Variants in ATP8B4 observed in about 807,000 individuals in gnomAD.
ATP8B4 encodes the protein ATPase phospholipid transporting 8B4 (putative).
A neutral mutation model predicts 145.6 loss-of-function variants in ATP8B4; 133 were observed. The ratio of observed to expected loss-of-function variants is 0.91; its 90% CI spans 0.79 to 1.05. The LOEUF is 1.05. ATP8B4 is among the 50% of genes least tolerant of loss of function. ATP8B4 has a pLI of 0.00. For synonymous variants in ATP8B4, 507 were observed against 492.9 expected (o/e 1.03, Z -0.38); for missense variants, 1,458 against 1,425.2 (o/e 1.02, Z -0.37).
chr15:49,963,876 A>G (rs1312053735), intron 13 of ATP8B4, among the ~76,000 whole-genome samples: 1 of 152,158 alleles, frequency 6.6e-6, no homozygotes, highest in African/African-American at 2.4e-5. Flanking sequence ...AAACCTGTAC[A>G]TCCTGAACAT....
At chr15:50,020,316 A>C (rs2049446764) in intron 6 of ATP8B4, among the ~76,000 whole-genome samples, 1 of 146,362 alleles carries the variant, frequency 6.8e-6, no homozygotes, top group African/African-American at 2.5e-5. Flanking sequence ...CCCGGGCAGG[A>C]TGGAGTGCAA....
chr15:50,133,598 T>A (rs2044079013), intron 1 of ATP8B4, among the ~76,000 whole-genome samples: 2 of 150,966 alleles, frequency 1.3e-5, no homozygotes, highest in African/African-American at 2.4e-5. Flanking sequence ...GTATCAAAAA[T>A]AAAAAACAAA....
At chr15:49,872,980 A>G (rs1302221513) in intron 25 of ATP8B4, among the ~76,000 whole-genome samples, 1 of 152,236 alleles carries the variant, frequency 6.6e-6, no homozygotes, top group Non-Finnish European at 1.5e-5. Flanking sequence ...GTATGCAGGA[A>G]CTGTCTTTGC....
chr15:50,077,396 C>T (rs1210148252), intron 2 of ATP8B4, among the ~76,000 whole-genome samples: 1 of 152,068 alleles, frequency 6.6e-6, no homozygotes, highest in Non-Finnish European at 1.5e-5. Context: ...AGCAGAGGTT[C>T]ATAAATTTTG....
intron 16 of ATP8B4, among the ~76,000 whole-genome samples, chr15:49,926,288 G>A (rs1463653809): frequency 6.6e-6 from 1 of 152,070 alleles, no homozygotes; most frequent in Non-Finnish European, 1.5e-5. Flanking sequence ...CCCAGTCTTA[G>A]TAATCAGCTT....
chr15:49,890,951 A>G (rs2036725142), intron 23 of ATP8B4, among the ~76,000 whole-genome samples: 1 of 152,204 alleles, frequency 6.6e-6, no homozygotes, highest in Non-Finnish European at 1.5e-5. Context: ...TGCTATAGAC[A>G]ATACTGCTAA....
intron 13 of ATP8B4, among the ~76,000 whole-genome samples, chr15:49,967,822 T>C (rs909895642): frequency 3.9e-5 from 6 of 152,020 alleles, no homozygotes; most frequent in African/African-American, 1.5e-4. Context: ...CACATACTCA[T>C]CAGATTCATC....
At chr15:50,012,613 A>G (rs1414221534) in intron 6 of ATP8B4, among the ~76,000 whole-genome samples, 2 of 152,200 alleles carry the variant, frequency 1.3e-5, no homozygotes, top group African/African-American at 2.4e-5. Context: ...GCCCTCACAA[A>G]GTAAGACCAT....
chr15:49,898,999 A>G (rs1454061147), intron 21 of ATP8B4, among the ~76,000 whole-genome samples: 1 of 152,192 alleles, frequency 6.6e-6, no homozygotes, highest in Non-Finnish European at 1.5e-5. Flanking sequence ...ACACATTAAG[A>G]GGAAACAAAT....
At chr15:49,995,107 T>C (rs1052973518) in intron 9 of ATP8B4, among the ~76,000 whole-genome samples, 2 of 152,144 alleles carry the variant, frequency 1.3e-5, no homozygotes, top group African/African-American at 4.8e-5. Flanking sequence ...TGCATCATAG[T>C]GTAGCCTATC....
chr15:49,923,409 G>A lies in ATP8B4; in HGVS notation c.1728C>T (p.Val576=). The change falls in exon 17 of 28, where the codon GTC becomes GTT. Residue 576 remains valine (V), a synonymous_variant. Coordinates refer to ENST00000284509, the MANE Select transcript of ATP8B4 (RefSeq NM_024837.4). ...LFEKLHPSNE[V]LLSLTSDHLS... ...GGTGGTCTGACGTCAAAGACAAAAGGACTTCATTGGAAGGATGAAGTTTTT... is the reference window on the plus strand; with the variant it reads ...GGTGGTCTGACGTCAAAGACAAAAGAACTTCATTGGAAGGATGAAGTTTTT... The A allele has an allele frequency of 1.2e-6, 2 of 1,612,608 alleles. No individual in the cohort carries two copies. The highest frequency in any genetic ancestry group is 1.7e-6 in the Non-Finnish European group (2 of 1,178,784).
chr15:49,960,839 T>A (rs1009775129), intron 14 of ATP8B4, among the ~76,000 whole-genome samples: 1 of 152,076 alleles, frequency 6.6e-6, no homozygotes, highest in South Asian at 2.1e-4. Context: ...GGTAAAAAAA[T>A]TATGAACCAG....
At chr15:50,029,238 TAAAAAA>T in intron 6 of ATP8B4, among the ~76,000 whole-genome samples, 1 of 76,620 alleles carries the variant, frequency 1.3e-5, no homozygotes, top group Middle Eastern at 6.8e-3. Context: ...GACTCCATCT[TAAAAAA>T]AAAAAAAAAA....
Position 49,953,580 on chromosome 15 carries a change from T to C in ATP8B4, c.1287+8397A>G, listed in dbSNP as rs538854766. Among the ~76,000 whole-genome samples the C allele has an allele frequency of 7.2e-5, 11 of 152,284 alleles. No homozygotes were observed. In the South Asian group the frequency reaches 2.3e-3, roughly 32 times the overall value. On this transcript the variant is annotated intron_variant, in intron 14 of 27. Coordinates refer to ENST00000284509, the MANE Select transcript of ATP8B4 (RefSeq NM_024837.4). ...CTGGCTCCAGCAGGGGAAAAGTGCA[T>C]CCTGGAGCTACAGAAATTGGTGCTG...
At position 50,038,830 on chromosome 15, in the gene ATP8B4, C is replaced by A; in HGVS notation, c.301-1G>T. On this transcript the variant is annotated splice_acceptor_variant, in intron 5 of 27. Transcript: ENST00000284509. LOFTEE classifies it high-confidence loss of function. ...CTTGATTATCACTCTTGTGGCGAAA[C>A]TGAAAAATCAAAGTGTTTGTGAGAA... The A allele has an allele frequency of 1.2e-6, 2 of 1,613,268 alleles. No individual in the cohort carries two copies. Among genetic ancestry groups the A allele is most frequent in the Non-Finnish European group, 1.7e-6 (2 of 1,179,362 alleles).
Position 49,859,904 on chromosome 15 carries a change from A to G in ATP8B4, c.*290T>C. 1 of 333,930 alleles carries G rather than the reference A, an allele frequency of 3.0e-6. No homozygotes were observed. 20.7% of individuals were successfully genotyped at this position (333,930 alleles called of 1,614,324 possible). A position where few individuals can be genotyped will look rare whatever the true frequency, so the allele number is the denominator to read the frequency against. ...TTTTTCTCCATAAATAAGATTCTAA[A>G]GTTCAGGTCAATTGGTATCTAGGTT... On this transcript the variant is annotated 3_prime_UTR_variant, in exon 28 of 28. Transcript: ENST00000284509.
rs1005830758 is a variant in ATP8B4, at chr15:50,059,130, T to C, written c.88-11666A>G. Among the ~76,000 whole-genome samples, 4 of 152,184 alleles carry C rather than the reference T, an allele frequency of 2.6e-5. No homozygotes were observed. In the South Asian group the frequency reaches 6.2e-4, roughly 24 times the overall value. On this transcript the variant is annotated intron_variant, in intron 3 of 27. Coordinates refer to ENST00000284509, the MANE Select transcript of ATP8B4 (RefSeq NM_024837.4). ...GATAGTCTGAGTTAAATAAAGACTA[T>C]CATAAATTTGCTTTGGGGGACTGAC...
At chr15:49,925,451 A>T (rs1021127652) in intron 16 of ATP8B4, among the ~76,000 whole-genome samples, 3 of 152,174 alleles carry the variant, frequency 2.0e-5, no homozygotes, top group Non-Finnish European at 2.9e-5. Context: ...TAATAGTGAT[A>T]TTATAATGAA....
intron 2 of ATP8B4, among the ~76,000 whole-genome samples, chr15:50,088,619 A>C (rs1026693227): frequency 6.6e-6 from 1 of 152,184 alleles, no homozygotes; most frequent in African/African-American, 2.4e-5. Context: ...TTGAAACTGC[A>C]GCACACTCCC....
Sources: allele counts gnomAD v4.1 joint callset (sites outside exome capture counted in the v4.1 genomes callset), GRCh38; gene constraint gnomAD v4.1.1; transcripts MANE v1.5; gene names NCBI Gene and HGNC (gene_info 2026-07-23, HGNC 2026-07-21).